TRIML1: variants seen among roughly 807,000 people sequenced by gnomAD.
TRIML1 encodes probable E3 ubiquitin-protein ligase TRIML1.
In TRIML1, 34 loss-of-function variants were observed where a neutral mutation model predicts 32.3. The ratio of observed to expected loss-of-function variants is 1.05; its 90% CI spans 0.80 to 1.40. TRIML1 has a LOEUF of 1.40. Among genes scored for constraint, TRIML1 ranks in the 40% most tolerant of loss-of-function variants. TRIML1 has a pLI of 0.00. For synonymous variants in TRIML1, 244 were observed against 226.6 expected, an observed-to-expected ratio of 1.08 and a Z score of -0.69; for missense variants, 595 against 574.9, an observed-to-expected ratio of 1.03 and a Z score of -0.36.
Position 188,143,833 on chromosome 4 carries a change from C to T in TRIML1, c.736-5C>T, listed in dbSNP as rs142567043. On this transcript the variant is annotated splice_region_variant and splice_polypyrimidine_tract_variant and intron_variant, in intron 3 of 5. Coordinates refer to ENST00000332517, the MANE Select transcript of TRIML1 (RefSeq NM_178556.5). ...CATGCTAACTTCTTTCTTTTTTACC[C>T]GTAGGAAGTGAGAGGAGCCCTGGAA... is the stretch of plus-strand genomic sequence containing the variant. 2 of 1,614,060 alleles carry T rather than the reference C, an allele frequency of 1.2e-6. No homozygotes were observed. Among genetic ancestry groups the T allele is most frequent in the East Asian group, 2.2e-5 (1 of 44,874 alleles).
Position 188,139,959 on chromosome 4 carries a change from A to G in TRIML1, c.401A>G (p.His134Arg), listed in dbSNP as rs531465298. Residue 134 changes from histidine (H) to arginine (R), a missense_variant, in exon 1 of 6, where the codon CAT becomes CGT. Transcript: ENST00000332517. ...CATCTCTCCAGCGAGGCTGAGGAGC[A>G]TCACAGAGTAAGACAGCTGCTCAGC... ...RVHLSSEAEE[H>R]HREKLQEILN... 2 of 1,604,456 alleles carry G rather than the reference A, an allele frequency of 1.2e-6. No homozygotes were observed. Among genetic ancestry groups the G allele is most frequent in the African/African-American group, 1.3e-5 (1 of 74,952 alleles).
In TRIML1 at chr4:188,147,371, G is replaced by C; in HGVS notation, c.1406G>C (p.Ter469SerextTer22). ...ATCTGCTCACTGAACAGCCACGTCT[G>C]AGGGGCGTGCCCTGAGCCGTCACAG... The part of the protein sequence containing the change: ...LTICSLNSHV[*>S] Residue 469 changes from the stop codon to serine (S), a stop_lost, in exon 6 of 6, where the codon TGA becomes TCA. Transcript: ENST00000332517. The C allele has an allele frequency of 6.7e-7, 1 of 1,491,534 alleles. No individual in the cohort carries two copies. The highest frequency in any genetic ancestry group is 8.9e-7 in the Non-Finnish European group (1 of 1,122,530). The allele number at this position is 1,491,534 out of a possible 1,614,324, so 92.4% of individuals were successfully genotyped here.
intron 1 of TRIML1, among the ~76,000 whole-genome samples, chr4:188,140,205 C>T (rs1342567031): frequency 6.6e-6 from 1 of 151,854 alleles, no homozygotes; most frequent in East Asian, 1.9e-4. Context: ...ACTGCAACCT[C>T]CGCCTCCCAG....
rs778667196 is a variant in TRIML1, at chr4:188,140,634, G to A, written c.504+11G>A. 2.5e-6 allele frequency: 4 copies of A among 1,605,792 alleles called. No individual in the cohort carries two copies. In the South Asian group the frequency reaches 4.4e-5, roughly 18 times the overall value. ...GTGAAACTGTGCCAGGTCGGTGTCT[G>A]TCTGACTTTTGCTGCTTGTATATGA... On this transcript the variant is annotated intron_variant, in intron 2 of 5. Coordinates refer to ENST00000332517, the MANE Select transcript of TRIML1 (RefSeq NM_178556.5).
chr4:188,148,901 CTTTTTTTTTTTT>C (rs34415263), downstream of TRIML1, among the ~76,000 whole-genome samples: 15 of 63,784 alleles, frequency 2.4e-4, no homozygotes, highest in South Asian at 2.4e-3. Flanking sequence ...CGTGCCCAGG[CTTTTTTTTTTTT>C]TTTTTTTTTT....
At chr4:188,144,999 C>T (rs1392112524) in intron 5 of TRIML1, among the ~76,000 whole-genome samples, 1 of 152,140 alleles carries the variant, frequency 6.6e-6, no homozygotes, top group Non-Finnish European at 1.5e-5. Flanking sequence ...CACTATGCTA[C>T]TGGGCTCTGC....
chr4:188,142,830 C>T (rs1206396614), intron 3 of TRIML1: 2 of 182,668 alleles, frequency 1.1e-5, no homozygotes, highest in Non-Finnish European at 2.2e-5. Context: ...TTCACAAAGA[C>T]CTGATGAAGA....
chr4:188,149,038 C>T (rs542325020), downstream of TRIML1, among the ~76,000 whole-genome samples: 12 of 151,416 alleles, frequency 7.9e-5, 1 homozygote, highest in African/African-American at 2.4e-4. Context: ...CTCAGCCTCC[C>T]GAGTAGCTGG....
At chr4:188,145,140 G>GA (rs1180125958) in intron 5 of TRIML1, among the ~76,000 whole-genome samples, 3 of 151,990 alleles carry the variant, frequency 2.0e-5, no homozygotes, top group Non-Finnish European at 2.9e-5. Context: ...ATAAAAGTAT[G>GA]AAATGGTATG....
chr4:188,140,843 T>C (rs979448278), intron 2 of TRIML1: 8 of 452,442 alleles, frequency 1.8e-5, no homozygotes, highest in Middle Eastern at 6.2e-4. Flanking sequence ...TTTGCATAAC[T>C]AGACAACGCT....
downstream of TRIML1, among the ~76,000 whole-genome samples, chr4:188,148,259 C>T (rs1302184081): frequency 3.9e-5 from 6 of 151,968 alleles, no homozygotes; most frequent in African/African-American, 1.2e-4. Flanking sequence ...TTTGGGAGGC[C>T]GAGGTGGGTG....
downstream of TRIML1, among the ~76,000 whole-genome samples, chr4:188,149,362 A>T (rs1735191726): frequency 6.6e-6 from 1 of 151,722 alleles, no homozygotes. Context: ...TTTAACCACC[A>T]CTCCAGACTG....
At chr4:188,144,566 G>A (rs75980766) in intron 5 of TRIML1, among the ~76,000 whole-genome samples, 1 of 143,814 alleles carries the variant, frequency 7.0e-6, no homozygotes, top group African/African-American at 2.5e-5. Context: ...GTTTCACTGT[G>A]TTAGCCAGGA....
chr4:188,147,008 G>T lies in TRIML1; in HGVS notation c.1043G>T (p.Gly348Val). ...SGRHYWEVEV[G>V]NKTEWEVGIC... ...AGACACTACTGGGAGGTGGAGGTGGGAAACAAGACCGAGTGGGAAGTGGGC... is the reference window on the plus strand; with the variant it reads ...AGACACTACTGGGAGGTGGAGGTGGTAAACAAGACCGAGTGGGAAGTGGGC... The change falls in exon 6 of 6, where the codon GGA becomes GTA. Residue 348 changes from glycine to valine, a missense_variant. Coordinates refer to ENST00000332517, the MANE Select transcript of TRIML1 (RefSeq NM_178556.5). 6.3e-7 allele frequency: 1 copy of T among 1,596,970 alleles called. No individual in the cohort carries two copies. The highest frequency in any genetic ancestry group is 8.5e-7 in the Non-Finnish European group (1 of 1,170,846).
In TRIML1 at chr4:188,144,556, G is replaced by A. The variant is rs574939618; in HGVS notation, c.856+423G>A. 8.3e-3 allele frequency among the ~76,000 whole-genome samples: 995 copies of A among 119,534 alleles called. 41 individuals are homozygous for A. The highest frequency in any genetic ancestry group is 0.027 in the Middle Eastern group (5 of 186). 78.4% of individuals were successfully genotyped at this position (119,534 alleles called of 152,430 possible). On this transcript the variant is annotated intron_variant, in intron 5 of 5. Coordinates refer to ENST00000332517, the MANE Select transcript of TRIML1 (RefSeq NM_178556.5). ...TTTTTGTATTTTTAGTACAGACGGGGTTTCACTGTGTTAGCCAGGATGGTC... is the reference window on the plus strand; with the variant it reads ...TTTTTGTATTTTTAGTACAGACGGGATTTCACTGTGTTAGCCAGGATGGTC...
upstream of TRIML1, among the ~76,000 whole-genome samples, chr4:188,139,016 G>A (rs905331306): frequency 3.3e-5 from 5 of 152,088 alleles, no homozygotes; most frequent in South Asian, 6.2e-4. Flanking sequence ...CAGAACAAAA[G>A]GGGCTAATGA....
rs200256522 is a variant in TRIML1 at position 188,139,791 on chromosome 4, C to T, written c.233C>T (p.Ala78Val). 209 of 1,613,914 alleles carry T rather than the reference C, an allele frequency of 1.3e-4. No homozygotes were observed. The East Asian group carries it at 4.0e-3, about 31-fold the overall frequency. Residue 78 changes from alanine (A) to valine (V), a missense_variant, in exon 1 of 6, where the codon GCC becomes GTC. Physicochemically the swap from Ala to Val is moderately conservative, Grantham distance 64. Coordinates refer to ENST00000332517, the MANE Select transcript of TRIML1 (RefSeq NM_178556.5). ...CGTCTGGGGAGGCTGGCCAGCATCG[C>T]CAGGCAGCTCCGGTCCCAGGTGCTG... ...NERLGRLASI[A>V]RQLRSQVLQS...
intron 3 of TRIML1, 142 bp downstream of exon 3, chr4:188,142,624 A>C: frequency 1.6e-6 from 1 of 632,390 alleles, no homozygotes. Context: ...TTGACATTCT[A>C]TATGTCAATA....
At position 188,143,848 on chromosome 4, in the gene TRIML1, G is replaced by A. The variant is rs145957337; in HGVS notation, c.746G>A (p.Gly249Glu). 9.3e-6 allele frequency: 15 copies of A among 1,614,170 alleles called. No individual in the cohort carries two copies. Among genetic ancestry groups the A allele is most frequent in the Non-Finnish European group, 1.3e-5 (15 of 1,180,038 alleles). Residue 249 changes from glycine (G) to glutamate (E), a missense_variant, in exon 4 of 6, where the codon GGA becomes GAA. Coordinates refer to ENST00000332517, the MANE Select transcript of TRIML1 (RefSeq NM_178556.5). The stretch of plus-strand genomic sequence containing the variant: ...CTTTTTTACCCGTAGGAAGTGAGAG[G>A]AGCCCTGGAAAGGTAGGCTTTCATT... ...SAFESLEEVR[G>E]ALERSEPLLL...
Sources: gnomAD v4.1 joint callset for allele counts (sites outside exome capture counted in the v4.1 genomes callset) on GRCh38, gnomAD v4.1.1 for gene constraint, MANE v1.5 for transcripts, NCBI Gene and HGNC (gene_info 2026-07-23, HGNC 2026-07-21) for gene names.